The following ATXN1 variants were observed in gnomAD, a reference collection of about 807,000 sequenced individuals.
ATXN1 encodes the protein ataxin-1.
Under a neutral mutation model 56.4 loss-of-function variants are expected in ATXN1, and 8 were observed. The observed-to-expected ratio is 0.14, with a 90% CI of 0.08 to 0.26. The LOEUF is 0.26. Ranked by LOEUF, ATXN1 falls within the 10% of genes least tolerant of loss-of-function variation. The pLI is 1.00. For missense variants in ATXN1, 987 were observed against 1,106.5 expected (o/e 0.89, Z 1.53); for synonymous variants, 514 against 494.6 (o/e 1.04, Z -0.52).
At chr6:16,473,834 C>T (rs540020784) in intron 6 of ATXN1, among the ~76,000 whole-genome samples, 1 of 152,308 alleles carries the variant, frequency 6.6e-6, no homozygotes, top group Admixed American at 6.5e-5. Context: ...AGCTTTGAGC[C>T]ACCTCTCAGT....
chr6:16,547,171 C>T (rs548226976), intron 4 of ATXN1, among the ~76,000 whole-genome samples: 1 of 152,148 alleles, frequency 6.6e-6, no homozygotes, highest in Non-Finnish European at 1.5e-5. Flanking sequence ...AAATAAGAAG[C>T]AAATAAAAGG....
intron 6 of ATXN1, among the ~76,000 whole-genome samples, chr6:16,333,915 T>C (rs1761051739): frequency 6.6e-6 from 1 of 152,144 alleles, no homozygotes; most frequent in Non-Finnish European, 1.5e-5. Context: ...TTGGAGTATC[T>C]AGAATGGAGA....
At chr6:16,381,629 C>A (rs1398882853) in intron 6 of ATXN1, among the ~76,000 whole-genome samples, 1 of 152,204 alleles carries the variant, frequency 6.6e-6, no homozygotes, top group Non-Finnish European at 1.5e-5. Context: ...ATGCTATCAA[C>A]AACATTCACT....
At chr6:16,681,593 C>A (rs1349978313) in intron 2 of ATXN1, among the ~76,000 whole-genome samples, 2 of 152,222 alleles carry the variant, frequency 1.3e-5, no homozygotes, top group African/African-American at 4.8e-5. Flanking sequence ...ACATCAAAGA[C>A]GCTGCTGCAC....
chr6:16,652,973 A>T (rs1194630618), intron 3 of ATXN1: 1 of 152,238 alleles, frequency 6.6e-6, no homozygotes. Context: ...CAGGATTGCC[A>T]CAACTTCTCC....
rs374421036 is a variant in ATXN1, at chr6:16,462,820, T to C, written c.-161+23152A>G. 8.5e-5 allele frequency among the ~76,000 whole-genome samples: 13 copies of C among 152,108 alleles called. No homozygotes were observed. The East Asian group carries it at 1.9e-3, about 23-fold the overall frequency. On this transcript the variant is annotated intron_variant, in intron 6 of 7. Coordinates refer to ENST00000436367, the MANE Select transcript of ATXN1 (RefSeq NM_001128164.2). ...TCCAACTTCAAGCCCCAAATGATCA[T>C]AGTAACTTCCAAGGCACCCAAACCG... is the stretch of plus-strand genomic sequence containing the variant.
In ATXN1 at chr6:16,752,522, G is replaced by T. The variant is rs574250492; in HGVS notation, c.-615+711C>A. 3.3e-5 allele frequency among the ~76,000 whole-genome samples: 5 copies of T among 152,284 alleles called. No homozygotes were observed. In the South Asian group the frequency reaches 1.0e-3, roughly 32 times the overall value. ...AGCAGGTCCATTTCCAAGGCAAATAGAAATTGATCCCCTATTTTCTATTTC... is the reference window on the plus strand; with the variant it reads ...AGCAGGTCCATTTCCAAGGCAAATATAAATTGATCCCCTATTTTCTATTTC... On this transcript the variant is annotated intron_variant, in intron 2 of 7. Coordinates refer to ENST00000436367, the MANE Select transcript of ATXN1 (RefSeq NM_001128164.2).
intron 4 of ATXN1, among the ~76,000 whole-genome samples, chr6:16,527,747 T>G (rs1761422478): frequency 6.6e-6 from 1 of 152,216 alleles, no homozygotes; most frequent in South Asian, 2.1e-4. Flanking sequence ...CAGCAGTGGA[T>G]GGAGTCAGAG....
intron 2 of ATXN1, among the ~76,000 whole-genome samples, chr6:16,749,384 A>G (rs1284212209): frequency 6.6e-6 from 1 of 152,252 alleles, no homozygotes; most frequent in Non-Finnish European, 1.5e-5. Context: ...TTAGAGGAAA[A>G]TAGAAGGATC....
chr6:16,542,293 G>A (rs977825609), intron 4 of ATXN1, among the ~76,000 whole-genome samples: 4 of 152,126 alleles, frequency 2.6e-5, no homozygotes, highest in Non-Finnish European at 2.9e-5. Context: ...TTTCATCACC[G>A]CATCCTATTT....
At chr6:16,585,528 C>G (rs1762606348) in intron 4 of ATXN1, among the ~76,000 whole-genome samples, 1 of 152,144 alleles carries the variant, frequency 6.6e-6, no homozygotes, top group Non-Finnish European at 1.5e-5. Context: ...TCAGAATTAT[C>G]AGCAATGCCT....
intron 7 of ATXN1, among the ~76,000 whole-genome samples, chr6:16,308,882 A>G (rs1303761214): frequency 6.6e-6 from 1 of 152,152 alleles, no homozygotes; most frequent in East Asian, 1.9e-4. Flanking sequence ...AATAATTAAG[A>G]AGATTAAAGA....
At chr6:16,574,271 T>C (rs1414259877) in intron 4 of ATXN1, among the ~76,000 whole-genome samples, 1 of 152,252 alleles carries the variant, frequency 6.6e-6, no homozygotes, top group Non-Finnish European at 1.5e-5. Flanking sequence ...AGTGGCGCGA[T>C]CTCGGCTCAC....
chr6:16,684,053 C>T (rs1208678183), intron 2 of ATXN1, among the ~76,000 whole-genome samples: 1 of 152,150 alleles, frequency 6.6e-6, no homozygotes, highest in African/African-American at 2.4e-5. Flanking sequence ...CCAACAAATC[C>T]AGCCCATGAT....
chr6:16,465,638 T>C (rs1760090444), intron 6 of ATXN1, among the ~76,000 whole-genome samples: 1 of 151,078 alleles, frequency 6.6e-6, no homozygotes, highest in African/African-American at 2.4e-5. Context: ...TGGGGAAGAG[T>C]AGTCAGCAGA....
intron 2 of ATXN1, among the ~76,000 whole-genome samples, chr6:16,668,398 T>C (rs1758475916): frequency 7.2e-6 from 1 of 138,138 alleles, no homozygotes; most frequent in South Asian, 2.6e-4. Context: ...CCTGTGTCCA[T>C]GGAACACAGG....
intron 4 of ATXN1, among the ~76,000 whole-genome samples, chr6:16,565,599 G>C (rs1283737016): frequency 6.6e-6 from 1 of 152,096 alleles, no homozygotes; most frequent in Non-Finnish European, 1.5e-5. Flanking sequence ...ACATGAACCA[G>C]AAGGTCTCTG....
intron 6 of ATXN1, among the ~76,000 whole-genome samples, chr6:16,353,535 A>C (rs1761616285): frequency 6.6e-6 from 1 of 152,122 alleles, no homozygotes; most frequent in South Asian, 2.1e-4. Flanking sequence ...TTAGCCAGGC[A>C]TGGTGGCTTG....
intron 4 of ATXN1, among the ~76,000 whole-genome samples, chr6:16,555,257 A>G (rs935837234): frequency 2.0e-5 from 3 of 152,028 alleles, no homozygotes; most frequent in Non-Finnish European, 4.4e-5. Flanking sequence ...ACTTACAAAC[A>G]CTGCCTGAGC....
Sources: gnomAD v4.1 joint callset for allele counts (sites outside exome capture counted in the v4.1 genomes callset) on GRCh38, gnomAD v4.1.1 for gene constraint, MANE v1.5 for transcripts, NCBI Gene and HGNC (gene_info 2026-07-23, HGNC 2026-07-21) for gene names.